The following DDX6 variants were observed in gnomAD, a reference collection of about 807,000 sequenced individuals.
DDX6 encodes the protein probable ATP-dependent RNA helicase DDX6.
In DDX6, 7 loss-of-function variants were observed where a neutral mutation model predicts 60.6. That is an observed-to-expected ratio of 0.12 (90% CI 0.07 to 0.22). The LOEUF is 0.22. DDX6 is among the 10% of genes least tolerant of loss of function. The probability of loss-of-function intolerance (pLI) is 1.00; values close to 1 mark genes in which losing one functional copy is unlikely to be tolerated. For missense variants in DDX6, 270 were observed against 589.9 expected (o/e 0.46, Z 5.62); for synonymous variants, 207 against 201.0 (o/e 1.03, Z -0.25).
At position 118,750,204 on chromosome 11, in the gene DDX6, C is replaced by T. The variant is rs1294318221; in HGVS notation, c.*1901G>A. 2.0e-5 allele frequency: 3 copies of T among 152,034 alleles called. No homozygotes were observed. The highest frequency in any genetic ancestry group is 7.3e-5 in the African/African-American group (3 of 41,270). The allele number at this position is 152,034 out of a possible 1,614,324, so 9.4% of individuals were successfully genotyped here. On this transcript the variant is annotated 3_prime_UTR_variant, in exon 14 of 14. Transcript: ENST00000534980. ...ATTTTGTTTTTTGCTTTTTTCCCCC[C>T]CTTTCCAGATGCCTCCTGATTGACC...
chr11:118,758,648 A>G, intron 9 of DDX6, 126 bp downstream of exon 9: 1 of 1,142,090 alleles, frequency 8.8e-7, no homozygotes, highest in Non-Finnish European at 1.2e-6. Flanking sequence ...GGGAGGCATG[A>G]GCCACCGTGC....
intron 11 of DDX6, 53 bp downstream of exon 11, chr11:118,756,207 A>G: frequency 1.3e-6 from 2 of 1,518,732 alleles, no homozygotes; most frequent in Admixed American, 1.7e-5. Flanking sequence ...CAGAGAAAGC[A>G]AAAAACAACT....
At chr11:118,755,566 A>C in intron 11 of DDX6, 63 bp from the exon 12 acceptor site, 2 of 886,368 alleles carry the variant, frequency 2.3e-6, no homozygotes, top group Admixed American at 2.0e-5. Flanking sequence ...TACAATACTA[A>C]CACATATTTC....
chr11:118,755,649 T>C (rs1361431599), intron 11 of DDX6, 146 bp from the exon 12 acceptor site: 9 of 573,210 alleles, frequency 1.6e-5, no homozygotes, highest in Non-Finnish European at 2.5e-5. Flanking sequence ...TTACCTTTCA[T>C]AATCACATTA....
At chr11:118,782,584 T>C (rs954994423) in intron 2 of DDX6, among the ~76,000 whole-genome samples, 43 of 152,004 alleles carry the variant, frequency 2.8e-4, no homozygotes, top group African/African-American at 1.0e-3. Context: ...TCCTACATAA[T>C]GCATACTCTA....
At chr11:118,782,139 G>A (rs1861919528) in intron 2 of DDX6, among the ~76,000 whole-genome samples, 1 of 152,138 alleles carries the variant, frequency 6.6e-6, no homozygotes, top group African/African-American at 2.4e-5. Context: ...CTTGAACCCG[G>A]GAGCCAAGAT....
intron 7 of DDX6, among the ~76,000 whole-genome samples, chr11:118,760,846 T>C (rs1555160016): frequency 9.8e-6 from 1 of 102,398 alleles, no homozygotes; most frequent in South Asian, 3.0e-4. Context: ...AAAAAAAAAG[T>C]AAGGGTTCTG....
intron 6 of DDX6, among the ~76,000 whole-genome samples, chr11:118,764,973 T>C (rs1258627841): frequency 6.6e-6 from 1 of 152,204 alleles, no homozygotes; most frequent in African/African-American, 2.4e-5. Flanking sequence ...CTTTTAGCTT[T>C]ACCAATTAAA....
At chr11:118,761,690 A>G (rs1861171319) in intron 7 of DDX6, among the ~76,000 whole-genome samples, 2 of 152,166 alleles carry the variant, frequency 1.3e-5, no homozygotes, top group African/African-American at 4.8e-5. Flanking sequence ...TAAAAATTAA[A>G]CCTAAACTCT....
At chr11:118,755,537 A>G in intron 11 of DDX6, 34 bp from the exon 12 acceptor site, 1 of 1,233,708 alleles carries the variant, frequency 8.1e-7, no homozygotes. Flanking sequence ...CATTTTTTCA[A>G]TTTAGAAATG....
At chr11:118,759,024 T>G (rs1406181531) in intron 8 of DDX6, 122 bp from the exon 9 acceptor site, 4 of 1,277,326 alleles carry the variant, frequency 3.1e-6, no homozygotes, top group Non-Finnish European at 4.3e-6. Flanking sequence ...GACGCAACTC[T>G]CTTCAAAACA....
chr11:118,749,121 T>A lies in DDX6; in HGVS notation c.*2984A>T, dbSNP rs1698632999. ...AGAATATATGGGGAAAGAAAAAACA[T>A]AGGCCTAGAGGTGGTAAGGTGTGTA... On this transcript the variant is annotated 3_prime_UTR_variant, in exon 14 of 14. Transcript: ENST00000534980. 6.6e-6 allele frequency: 1 copy of A among 151,996 alleles called. No homozygotes were observed. The highest frequency in any genetic ancestry group is 1.5e-5 in the Non-Finnish European group (1 of 67,966). The allele number at this position is 151,996 out of a possible 1,614,324, so 9.4% of individuals were successfully genotyped here.
In DDX6 at chr11:118,791,155, C is replaced by A; in HGVS notation, c.-325G>T. 6.6e-6 allele frequency: 1 copy of A among 152,306 alleles called. No individual in the cohort carries two copies. Among genetic ancestry groups the A allele is most frequent in the South Asian group, 2.1e-4 (1 of 4,866 alleles). 9.4% of individuals were successfully genotyped at this position (152,306 alleles called of 1,614,324 possible). On this transcript the variant is annotated 5_prime_UTR_variant, in exon 1 of 14. Coordinates refer to ENST00000534980, the MANE Select transcript of DDX6 (RefSeq NM_004397.6). ...AAGTCGCCGCCTGGCTGAGCTAACT[C>A]GGCTCCTCTGCCCCCTCCCTCGCTC...
chr11:118,764,821 T>TATACACACACAC (rs143249039), intron 6 of DDX6, among the ~76,000 whole-genome samples: 7 of 139,034 alleles, frequency 5.0e-5, no homozygotes, highest in East Asian at 4.1e-4. Context: ...AAAAAAAATA[T>TATACACACACAC]ACACACACAC....
At position 118,764,819 on chromosome 11, in the gene DDX6, T is replaced by C. The variant is rs201732592; in HGVS notation, c.646+390A>G. ...ACTCCATCTCCAAAAAAAAAAAAAATATACACACACACACACACATTATAT... is the reference window on the plus strand; with the variant it reads ...ACTCCATCTCCAAAAAAAAAAAAAACATACACACACACACACACATTATAT... On this transcript the variant is annotated intron_variant, in intron 6 of 13. Coordinates refer to ENST00000534980, the MANE Select transcript of DDX6 (RefSeq NM_004397.6). Among the ~76,000 whole-genome samples the C allele has an allele frequency of 0.04, 687 of 17,148 alleles. 15 individuals are homozygous for C. The East Asian group carries it at 0.46, about 12-fold the overall frequency. 11.2% of individuals were successfully genotyped at this position (17,148 alleles called of 152,430 possible).
chr11:118,760,783 T>C (rs1411953340), intron 7 of DDX6, among the ~76,000 whole-genome samples: 2 of 137,408 alleles, frequency 1.5e-5, no homozygotes, highest in African/African-American at 5.5e-5. Context: ...ATCACACCAC[T>C]GCACTCCAGC....
Position 118,791,096 on chromosome 11 carries a change from A to C in DDX6, c.-268+2T>G. ...CCGGCTCCCCCGGCTGTCCAGCCCT[A>C]CCTCCTCCGCTGCCCGCTCTCGTGG... On this transcript the variant is annotated splice_donor_variant, in intron 1 of 13. Coordinates refer to ENST00000534980, the MANE Select transcript of DDX6 (RefSeq NM_004397.6). LOFTEE classifies it low-confidence loss of function (5UTR_SPLICE). The C allele has an allele frequency of 2.1e-5, 3 of 143,422 alleles. No individual in the cohort carries two copies. The highest frequency in any genetic ancestry group is 7.0e-5 in the Admixed American group (1 of 14,374). The allele number at this position is 143,422 out of a possible 1,614,324, so 8.9% of individuals were successfully genotyped here. A position where few individuals can be genotyped will look rare whatever the true frequency, so the allele number is the denominator to read the frequency against.
chr11:118,765,602 C>T (rs1861324625), intron 5 of DDX6, among the ~76,000 whole-genome samples: 1 of 150,644 alleles, frequency 6.6e-6, no homozygotes, highest in Admixed American at 6.6e-5. Flanking sequence ...TGGTGAAACC[C>T]CATCTGTACT....
rs551201488 is a variant in DDX6 at position 118,755,506 on chromosome 11, T to TA, written c.1175-4dup. The TA allele has an allele frequency of 0.03, 33,913 of 1,145,874 alleles. 1 individual carries two copies. Among genetic ancestry groups the TA allele is most frequent in the Non-Finnish European group, 0.032 (27,174 of 839,488 alleles). 71.0% of individuals were successfully genotyped at this position (1,145,874 alleles called of 1,614,324 possible). A position where few individuals can be genotyped will look rare whatever the true frequency, so the allele number is the denominator to read the frequency against. On this transcript the variant is annotated splice_region_variant and splice_polypyrimidine_tract_variant and intron_variant, in intron 11 of 13. Coordinates refer to ENST00000534980, the MANE Select transcript of DDX6 (RefSeq NM_004397.6). The stretch of plus-strand genomic sequence containing the variant: ...ATCAATACCTCGGGTAAACAGATCT[T>TA]AAAAAAAAAAAGATAATTTTCATTT...
Sources: allele counts gnomAD v4.1 joint callset (sites outside exome capture counted in the v4.1 genomes callset), GRCh38; gene constraint gnomAD v4.1.1; transcripts MANE v1.5; gene names NCBI Gene and HGNC (gene_info 2026-07-23, HGNC 2026-07-21).